SCRG1: variants seen among roughly 807,000 people sequenced by gnomAD.
The protein encoded by SCRG1 is stimulator of chondrogenesis 1.
A neutral mutation model predicts 7.7 loss-of-function variants in SCRG1; 3 were observed. That is an observed-to-expected ratio of 0.39 (90% confidence interval 0.18 to 1.01). The LOEUF (loss-of-function observed/expected upper bound fraction) is 1.01. SCRG1 is among the 50% of genes least tolerant of loss of function. The pLI is 0.36. For synonymous variants in SCRG1, 46 were observed against 41.2 expected (o/e 1.12, Z -0.44); for missense variants, 110 against 117.2 (o/e 0.94, Z 0.28).
intron 1 of SCRG1, among the ~76,000 whole-genome samples, chr4:173,405,596 T>G (rs1298506027): frequency 6.6e-6 from 1 of 152,214 alleles, no homozygotes; most frequent in East Asian, 1.9e-4. Flanking sequence ...CATTGCTTAT[T>G]TATTTACTTG....
chr4:173,416,905 C>T, the SCRG1 span, among the ~76,000 whole-genome samples: 1 of 114,922 alleles, frequency 8.7e-6, no homozygotes, highest in Non-Finnish European at 1.7e-5. Flanking sequence ...ATCACACACA[C>T]ACCCAAACAC....
chr4:173,399,684 G>C (rs1739711412), upstream of SCRG1: 1 of 54,480 alleles, frequency 1.8e-5, no homozygotes, highest in Admixed American at 2.7e-4. Context: ...AAGCTAAAAT[G>C]ATGACTAAAA....
intron 1 of SCRG1, 39 bp downstream of exon 1, chr4:173,399,029 C>T (rs1429633788): frequency 2.6e-5 from 4 of 152,232 alleles, no homozygotes; most frequent in Non-Finnish European, 1.5e-5. Flanking sequence ...AGTAGAACAA[C>T]TGACATAAGA....
upstream of SCRG1, among the ~76,000 whole-genome samples, chr4:173,409,307 A>G (rs1446537294): frequency 6.6e-6 from 1 of 151,972 alleles, no homozygotes; most frequent in Non-Finnish European, 1.5e-5. Context: ...AACAGGGGAA[A>G]TCTTCCTTCT....
At chr4:173,448,704 TCTTA>T in the SCRG1 span, among the ~76,000 whole-genome samples, 30 of 152,232 alleles carry the variant, frequency 2.0e-4, no homozygotes, top group Non-Finnish European at 1.0e-4. Context: ...GTGGATTTTT[TCTTA>T]CTTAACTCTC....
chr4:173,428,920 C>T, the SCRG1 span, among the ~76,000 whole-genome samples: 1 of 152,192 alleles, frequency 6.6e-6, no homozygotes, highest in Non-Finnish European at 1.5e-5. Context: ...TCCAAGATCA[C>T]TCTTAATTTT....
At chr4:173,492,107 G>A in the SCRG1 span, among the ~76,000 whole-genome samples, 1 of 152,090 alleles carries the variant, frequency 6.6e-6, no homozygotes, top group East Asian at 1.9e-4. Flanking sequence ...TCCAGCCTGG[G>A]TGACAGAGTG....
At chr4:173,481,451 A>G in the SCRG1 span, among the ~76,000 whole-genome samples, 768 of 152,342 alleles carry the variant, frequency 5.0e-3, 15 homozygotes, top group East Asian at 0.02. Flanking sequence ...TTAGCAAATT[A>G]GTAAAGTAAT....
At chr4:173,470,440 G>T in the SCRG1 span, among the ~76,000 whole-genome samples, 11 of 152,172 alleles carry the variant, frequency 7.2e-5, no homozygotes, top group Admixed American at 1.3e-4. Context: ...GACGTGTCAG[G>T]CAGTCTTTGG....
the SCRG1 span, among the ~76,000 whole-genome samples, chr4:173,484,017 T>A: frequency 1.1e-5 from 1 of 93,244 alleles, no homozygotes; most frequent in East Asian, 3.4e-4. Flanking sequence ...TATTATATAA[T>A]ATATTATAAT....
At chr4:173,486,173 G>A in the SCRG1 span, among the ~76,000 whole-genome samples, 1 of 152,210 alleles carries the variant, frequency 6.6e-6, no homozygotes, top group African/African-American at 2.4e-5. Flanking sequence ...AGTATGTTGG[G>A]CAGTGTTTAG....
the SCRG1 span, among the ~76,000 whole-genome samples, chr4:173,515,492 A>G: frequency 2.3e-3 from 354 of 152,252 alleles, 23 homozygotes; most frequent in South Asian, 0.072. This position sits in a 1 kb window ranked among gnomAD's most constrained non-coding sequence, Gnocchi z 4.6. Context: ...TCATATTTCA[A>G]GTTTTATAGA....
chr4:173,509,659 C>T, the SCRG1 span, among the ~76,000 whole-genome samples: 1 of 152,134 alleles, frequency 6.6e-6, no homozygotes, highest in Non-Finnish European at 1.5e-5. The surrounding 1 kb of genome is among the most constrained non-coding windows in gnomAD (Gnocchi z 5.7). Context: ...CGCTCCTGGG[C>T]CGCGCGGCTG....
At chr4:173,483,432 ATATATTATATATTATATCATGAT>A in the SCRG1 span, among the ~76,000 whole-genome samples, 1 of 53,656 alleles carries the variant, frequency 1.9e-5, no homozygotes, top group Non-Finnish European at 3.5e-5. Context: ...ATGATATAGT[ATATATTATATATTATATCATGAT>A]ATATATTATA....
the SCRG1 span, among the ~76,000 whole-genome samples, chr4:173,438,939 T>A: frequency 6.6e-6 from 1 of 152,178 alleles, no homozygotes; most frequent in Non-Finnish European, 1.5e-5. Context: ...GACACCTACA[T>A]GGTTTCCAAG....
At chr4:173,430,473 G>A in the SCRG1 span, among the ~76,000 whole-genome samples, 1 of 152,034 alleles carries the variant, frequency 6.6e-6, no homozygotes, top group Non-Finnish European at 1.5e-5. Context: ...CACCCAACAT[G>A]AACTCACAAT....
chr4:173,484,512 ATATACATATAATATATATTATATAT>A, the SCRG1 span, among the ~76,000 whole-genome samples: 1 of 72,408 alleles, frequency 1.4e-5, no homozygotes, highest in South Asian at 4.4e-4. Flanking sequence ...ATTATATATT[ATATACATATAATATATATTATATAT>A]TATGTATATT....
chr4:173,411,549 AT>A, the SCRG1 span, among the ~76,000 whole-genome samples: 2 of 152,214 alleles, frequency 1.3e-5, no homozygotes, highest in Non-Finnish European at 2.9e-5. Flanking sequence ...ATTGCAACAT[AT>A]TTAGCAACCT....
At chr4:173,416,896 TCA>T in the SCRG1 span, among the ~76,000 whole-genome samples, 8 of 135,658 alleles carry the variant, frequency 5.9e-5, no homozygotes, top group East Asian at 1.3e-3. Flanking sequence ...CATCACATCA[TCA>T]CACACACACC....
Sources: allele counts gnomAD v4.1 joint callset (sites outside exome capture counted in the v4.1 genomes callset), GRCh38; gene constraint gnomAD v4.1.1; non-coding constraint Gnocchi (gnomAD v3.1); transcripts MANE v1.5; gene names NCBI Gene and HGNC (gene_info 2026-07-23, HGNC 2026-07-21).